CSPG4: variants seen among roughly 807,000 people sequenced by gnomAD.
CSPG4 encodes the protein chondroitin sulfate proteoglycan 4 (melanoma-associated).
CSPG4 carries 74 observed loss-of-function variants against 139.3 expected under a neutral mutation model. That is an observed-to-expected ratio of 0.53 (90% CI 0.44 to 0.64). CSPG4 has a LOEUF of 0.64. Ranked by LOEUF, CSPG4 falls within the 30% of genes least tolerant of loss-of-function variation. The pLI, the probability that CSPG4 is intolerant of heterozygous loss-of-function variation, is 0.00. For missense variants in CSPG4, 2,565 were observed against 3,148.3 expected, an observed-to-expected ratio of 0.81 and a Z score of 4.43; for synonymous variants, 1,234 against 1,394.2, an observed-to-expected ratio of 0.89 and a Z score of 2.56.
rs536966729 is a variant in CSPG4 at position 75,690,874 on chromosome 15, A to G, written c.253-62T>C. On this transcript the variant is annotated intron_variant, in intron 2 of 9. Coordinates refer to ENST00000308508, the MANE Select transcript of CSPG4 (RefSeq NM_001897.5). ...ACTTTGGATCCATCATTTCCCTTAT[A>G]AAAGCATAGAGCCGGGCGTGATTGC... The G allele has an allele frequency of 5.2e-6, 8 of 1,525,612 alleles. No homozygotes were observed. In the East Asian group the frequency reaches 1.8e-4, roughly 35 times the overall value. The allele number at this position is 1,525,612 out of a possible 1,614,324, so 94.5% of individuals were successfully genotyped here.
intron 1 of CSPG4, among the ~76,000 whole-genome samples, chr15:75,702,525 G>A (rs185231141): frequency 1.3e-5 from 2 of 152,220 alleles, no homozygotes; most frequent in African/African-American, 4.8e-5. Context: ...AAAGGAGGGA[G>A]GGGCCCACCA....
chr15:75,712,757 C>A lies in CSPG4; in HGVS notation c.-2G>T. 1 of 1,543,726 alleles carries A rather than the reference C, an allele frequency of 6.5e-7. No homozygotes were observed. The highest frequency in any genetic ancestry group is 2.5e-5 in the East Asian group (1 of 40,566). ...TGGGGGCCGCGGCCCGGACTGCATCCCGGCGGGCTGGGCGGCAGGACTTGC... is the reference window on the plus strand; with the variant it reads ...TGGGGGCCGCGGCCCGGACTGCATCACGGCGGGCTGGGCGGCAGGACTTGC... On this transcript the variant is annotated 5_prime_UTR_variant, in exon 1 of 10. Transcript: ENST00000308508.
In CSPG4 at chr15:75,712,717, G is replaced by A; in HGVS notation, c.39C>T (p.Gly13=). ...TAGTCAGGGTCAAAGCCAAGGCCAG[G>A]CCGGGGGCTGGAAGTGGGGGCCGCG... The part of the protein sequence containing the change: ...SGPRPPLPAP[G]LALALTLTML... The change falls in exon 1 of 10, where the codon GGC becomes GGT. Residue 13 remains glycine (G), a synonymous_variant. Transcript: ENST00000308508. 6.4e-7 allele frequency: 1 copy of A among 1,562,668 alleles called. No homozygotes were observed. Among genetic ancestry groups the A allele is most frequent in the Non-Finnish European group, 8.7e-7 (1 of 1,154,162 alleles).
chr15:75,683,088 C>T, intron 5 of CSPG4, 47 bp from the exon 6 acceptor site: 1 of 1,558,178 alleles, frequency 6.4e-7, no homozygotes, highest in East Asian at 2.3e-5. Context: ...CACTCACCCA[C>T]CCCTTCCTCC....
At chr15:75,686,459 C>A (rs1220314421) in intron 3 of CSPG4, among the ~76,000 whole-genome samples, 1 of 151,750 alleles carries the variant, frequency 6.6e-6, no homozygotes, top group Non-Finnish European at 1.5e-5. Flanking sequence ...AAAGGCCACA[C>A]GGGCTCCCTC....
Position 75,690,149 on chromosome 15 carries a change from G to A in CSPG4, c.916C>T (p.His306Tyr), listed in dbSNP as rs2141430866. The change falls in exon 3 of 10, where the codon CAT becomes TAT. Residue 306 changes from histidine to tyrosine, a missense_variant. This residue lies in a region of CSPG4 where 2,316 missense variants were observed against 2,818.2 expected (regional missense o/e 0.82). Coordinates refer to ENST00000308508, the MANE Select transcript of CSPG4 (RefSeq NM_001897.5). ...CTGAGGACTCCTCGGTTCGAAGTAT[G>A]CGTAGGGTACTGGTCCACGGAGATT... ...LEISVDQYPT[H>Y]TSNRGVLSYL... 1.2e-6 allele frequency: 2 copies of A among 1,613,138 alleles called. No homozygotes were observed. The highest frequency in any genetic ancestry group is 2.2e-5 in the East Asian group (1 of 44,864).
At chr15:75,677,522 C>T in intron 9 of CSPG4, 138 bp from the exon 10 acceptor site, 1 of 1,214,552 alleles carries the variant, frequency 8.2e-7, no homozygotes, top group Non-Finnish European at 1.1e-6. Context: ...GCTCAGGGTT[C>T]CCAGGAGGAT....
chr15:75,680,023 TC>T (rs1893951449), intron 8 of CSPG4: 1 of 152,218 alleles, frequency 6.6e-6, no homozygotes, highest in African/African-American at 2.4e-5. Flanking sequence ...ACTATTTTCT[TC>T]TCAGAGAAAA....
chr15:75,692,844 C>T (rs577156645), intron 2 of CSPG4, among the ~76,000 whole-genome samples: 22 of 152,262 alleles, frequency 1.4e-4, no homozygotes, highest in African/African-American at 4.8e-4. Flanking sequence ...AAAGGGCCAG[C>T]GAGGGGTTGT....
At chr15:75,708,501 G>T (rs1323272589) in intron 1 of CSPG4, among the ~76,000 whole-genome samples, 1 of 151,060 alleles carries the variant, frequency 6.6e-6, no homozygotes, top group African/African-American at 2.4e-5. Context: ...TGGCTGGTGG[G>T]GGATGGGGAG....
chr15:75,675,241 C>T lies in CSPG4; in HGVS notation c.*309G>A. The T allele has an allele frequency of 9.4e-6, 3 of 317,618 alleles. No individual in the cohort carries two copies. Among genetic ancestry groups the T allele is most frequent in the Non-Finnish European group, 1.7e-5 (3 of 175,168 alleles). 19.7% of individuals were successfully genotyped at this position (317,618 alleles called of 1,614,324 possible). ...ACAGACCCAGGACCCAGAGTCATGA[C>T]CCATGTAGGAGGTTACCCTGGTTTT... is the stretch of plus-strand genomic sequence containing the variant. On this transcript the variant is annotated 3_prime_UTR_variant, in exon 10 of 10. Coordinates refer to ENST00000308508, the MANE Select transcript of CSPG4 (RefSeq NM_001897.5).
chr15:75,692,138 T>C (rs1347554395), intron 2 of CSPG4, among the ~76,000 whole-genome samples: 1 of 152,138 alleles, frequency 6.6e-6, no homozygotes, highest in Non-Finnish European at 1.5e-5. Flanking sequence ...TGTGTCACCA[T>C]GCCCGGCTAA....
intron 1 of CSPG4, among the ~76,000 whole-genome samples, chr15:75,695,113 T>C (rs1207491432): frequency 6.6e-6 from 1 of 152,004 alleles, no homozygotes; most frequent in Non-Finnish European, 1.5e-5. Context: ...CAAATCAGGG[T>C]TCCCCCTCCC....
At position 75,676,334 on chromosome 15, in the gene CSPG4, C is replaced by T. The variant is rs1241664610; in HGVS notation, c.6185G>A (p.Arg2062His). 8.7e-6 allele frequency: 14 copies of T among 1,612,062 alleles called. No homozygotes were observed. Among genetic ancestry groups the T allele is most frequent in the African/African-American group, 5.3e-5 (4 of 74,942 alleles). Reference sequence around the variant, plus strand: ...AGCATCTAGGACGGTGGGGTCCAGGCGCAGGGTGGCACCCTGGGGCCATGG... The same window carrying T: ...AGCATCTAGGACGGTGGGGTCCAGGTGCAGGGTGGCACCCTGGGGCCATGG... ...GGPWPQGATL[R>H]LDPTVLDAGE... The change falls in exon 10 of 10, where the codon CGC becomes CAC. Residue 2062 changes from arginine (R) to histidine (H), a missense_variant. Transcript: ENST00000308508.
At chr15:75,713,111 CGGGAGACCCCCTCA>C (rs1307330255), upstream of CSPG4, among the ~76,000 whole-genome samples, 1 of 152,230 alleles carries the variant, frequency 6.6e-6, no homozygotes, top group Admixed American at 6.5e-5. Flanking sequence ...GAGCCGAGCC[CGGGAGACCCCCTCA>C]GGGAGGAGGC....
rs762706825 is a variant in CSPG4 at position 75,676,689 on chromosome 15, C to T, written c.5830G>A (p.Val1944Met). Residue 1944 changes from valine (V) to methionine (M), a missense_variant, in exon 10 of 10, where the codon GTG becomes ATG. By Grantham distance (21) the Val-to-Met change is conservative (BLOSUM62 1). Coordinates refer to ENST00000308508, the MANE Select transcript of CSPG4 (RefSeq NM_001897.5). ...AVDILPSAIE[V>M]QLRAPLEVPQ... ...ACCTCCAGGGGTGCCCGCAGCTGCA[C>T]CTCGATGGCGGATGGTAGGATGTCC... is the stretch of plus-strand genomic sequence containing the variant. 107 of 1,591,128 alleles carry T rather than the reference C, an allele frequency of 6.7e-5. No individual in the cohort carries two copies. Among genetic ancestry groups the T allele is most frequent in the Non-Finnish European group, 1.7e-6 (2 of 1,167,094 alleles).
intron 5 of CSPG4, among the ~76,000 whole-genome samples, 179 bp from the exon 6 acceptor site, chr15:75,683,220 ACCCCAGGGAAGG>A (rs954847504): frequency 8.6e-5 from 13 of 151,524 alleles, no homozygotes; most frequent in Non-Finnish European, 1.5e-4. Flanking sequence ...CTTCCCTGTC[ACCCCAGGGAAGG>A]CCCCAGGGAA....
At chr15:75,686,042 C>T (rs904655765) in intron 3 of CSPG4, among the ~76,000 whole-genome samples, 2 of 152,216 alleles carry the variant, frequency 1.3e-5, no homozygotes, top group Admixed American at 6.5e-5. Context: ...CATGTGCCAC[C>T]AGGCCCGGCT....
chr15:75,684,693 T>C (rs1420630306), intron 5 of CSPG4, 43 bp downstream of exon 5: 4 of 1,584,906 alleles, frequency 2.5e-6, no homozygotes, highest in Non-Finnish European at 3.5e-6. Context: ...CGCTGGCCTC[T>C]TTCTCGAAGC....
Sources: gnomAD v4.1 joint callset for allele counts (sites outside exome capture counted in the v4.1 genomes callset) on GRCh38, gnomAD v4.1.1 for gene constraint, gnomAD v4.1.1 regional missense constraint, MANE v1.5 for transcripts, NCBI Gene and HGNC (gene_info 2026-07-23, HGNC 2026-07-21) for gene names.